Variants in TFAM observed in about 807,000 individuals in gnomAD.
The protein encoded by TFAM is transcription factor A, mitochondrial.
A neutral mutation model predicts 30.6 loss-of-function variants in TFAM; 13 were observed. That is an observed-to-expected ratio of 0.42 (90% CI 0.28 to 0.67). The LOEUF (loss-of-function observed/expected upper bound fraction) is 0.67. Among genes scored for constraint, TFAM ranks in the 30% least tolerant of loss-of-function variants. The probability of loss-of-function intolerance (pLI) is 0.21; values close to 1 mark genes in which losing one functional copy is unlikely to be tolerated. For missense variants in TFAM, 231 were observed against 293.7 expected, an observed-to-expected ratio of 0.79 and a Z score of 1.56; for synonymous variants, 106 against 94.8, an observed-to-expected ratio of 1.12 and a Z score of -0.69.
At chr10:58,392,285 CAT>C (rs1840611246) in intron 5 of TFAM, among the ~76,000 whole-genome samples, 1 of 152,154 alleles carries the variant, frequency 6.6e-6, no homozygotes. Context: ...GTTTGGAAAA[CAT>C]ATTTCTTCAA....
chr10:58,394,359 A>G lies in TFAM; in HGVS notation c.539A>G (p.Glu180Gly). 1 of 1,611,826 alleles carries G rather than the reference A, an allele frequency of 6.2e-7. No homozygotes were observed. The highest frequency in any genetic ancestry group is 8.5e-7 in the Non-Finnish European group (1 of 1,178,056). ...FQEAKGDSPQEKLKTVKENWK... is the reference protein window; with the variant it reads ...FQEAKGDSPQGKLKTVKENWK... ...ACTTAAACATATATTGTTTTACAGG[A>G]AAAGCTGAAGACTGTAAAGGAAAAC... The change falls in exon 6 of 7, where the codon GAA (glutamate) becomes GGA (glycine). Residue 180 changes from glutamate to glycine, a missense_variant and splice_region_variant. By Grantham distance (98) the Glu-to-Gly change is moderately conservative. Coordinates refer to ENST00000487519, the MANE Select transcript of TFAM (RefSeq NM_003201.3).
chr10:58,390,717 C>G, intron 4 of TFAM, 48 bp from the exon 5 acceptor site: 2 of 1,409,212 alleles, frequency 1.4e-6, no homozygotes, highest in Non-Finnish European at 2.0e-6. Flanking sequence ...AAAATTAAGT[C>G]TCATGGAGGT....
In TFAM at chr10:58,394,899, A is replaced by G. The variant is rs45564737; in HGVS notation, c.595-29A>G. On this transcript the variant is annotated intron_variant, in intron 6 of 6. Coordinates refer to ENST00000487519, the MANE Select transcript of TFAM (RefSeq NM_003201.3). ...TCATTTTATCTCAAAAAATAAGTAA[A>G]TCATTTTAACAGTTATGCTTTTTCT... The G allele has an allele frequency of 1.3e-3, 2,023 of 1,593,934 alleles. 26 individuals are homozygous for G. The African/African-American group carries it at 0.022, about 18-fold the overall frequency.
chr10:58,389,280 C>G (rs1419325854), intron 4 of TFAM, among the ~76,000 whole-genome samples: 1 of 151,970 alleles, frequency 6.6e-6, no homozygotes. Context: ...CAATTAAGTG[C>G]CTTTAGGATG....
chr10:58,385,740 TAGG>T, intron 1 of TFAM, 92 bp downstream of exon 1: 1 of 1,018,554 alleles, frequency 9.8e-7, no homozygotes, highest in African/African-American at 1.6e-5. Flanking sequence ...CTGCCCCTCC[TAGG>T]AGTTCAGAGT....
In TFAM at chr10:58,397,040, A is replaced by C. The variant is rs1368033654; in HGVS notation, c.*1966A>C. 2 of 152,146 alleles carry C rather than the reference A, an allele frequency of 1.3e-5. No individual in the cohort carries two copies. Among genetic ancestry groups the C allele is most frequent in the Non-Finnish European group, 2.9e-5 (2 of 68,062 alleles). 9.4% of individuals were successfully genotyped at this position (152,146 alleles called of 1,614,324 possible). ...GCTAGTGTCTATCACAGGCTTTCTC[A>C]ATTAGGTTTGCAGGAGAAAAAGCCC... is the stretch of plus-strand genomic sequence containing the variant. On this transcript the variant is annotated 3_prime_UTR_variant, in exon 7 of 7. Transcript: ENST00000487519.
intron 4 of TFAM, 111 bp downstream of exon 4, chr10:58,388,930 C>A: frequency 9.6e-7 from 1 of 1,040,024 alleles, no homozygotes; most frequent in Non-Finnish European, 1.4e-6. Context: ...AGAATGTCAT[C>A]AAGTATTCTT....
intron 4 of TFAM, among the ~76,000 whole-genome samples, chr10:58,389,487 A>G (rs1198563012): frequency 6.6e-6 from 1 of 152,210 alleles, no homozygotes; most frequent in East Asian, 1.9e-4. Flanking sequence ...TGATCATCAG[A>G]GTTAAAACTA....
At chr10:58,389,839 G>A (rs1840558669) in intron 4 of TFAM, among the ~76,000 whole-genome samples, 1 of 152,190 alleles carries the variant, frequency 6.6e-6, no homozygotes, top group South Asian at 2.1e-4. Context: ...AGTTTCCCTT[G>A]TCATTCTCTC....
At chr10:58,394,472 A>T (rs759088436) in intron 6 of TFAM, 58 bp downstream of exon 6, 1 of 1,406,390 alleles carries the variant, frequency 7.1e-7, no homozygotes, top group South Asian at 1.1e-5. Context: ...GAGAGAATGT[A>T]TTAGGGCAAG....
Position 58,385,428 on chromosome 10 carries a change from C to A in TFAM, c.-120C>A, listed in dbSNP as rs893390410. The A allele has an allele frequency of 3.8e-5, 28 of 733,878 alleles. No homozygotes were observed. The highest frequency in any genetic ancestry group is 3.3e-4 in the African/African-American group (19 of 58,292). The allele number at this position is 733,878 out of a possible 1,614,324, so 45.5% of individuals were successfully genotyped here. On this transcript the variant is annotated 5_prime_UTR_variant, in exon 1 of 7. Transcript: ENST00000487519. ...ATTTCCCATAGTGCCTCGCTAGTGG[C>A]GGGCATGATAACACACGCCGGAGGG...
At position 58,385,438 on chromosome 10, in the gene TFAM, A is replaced by G; in HGVS notation, c.-110A>G. ...GTGCCTCGCTAGTGGCGGGCATGAT[A>G]ACACACGCCGGAGGGTCGCACGCGG... On this transcript the variant is annotated 5_prime_UTR_variant, in exon 1 of 7. The change creates a new upstream start codon in the 5' untranslated region. Coordinates refer to ENST00000487519, the MANE Select transcript of TFAM (RefSeq NM_003201.3). 2 of 790,790 alleles carry G rather than the reference A, an allele frequency of 2.5e-6. No homozygotes were observed. The highest frequency in any genetic ancestry group is 2.7e-5 in the East Asian group (1 of 37,710). The allele number at this position is 790,790 out of a possible 1,614,324, so 49.0% of individuals were successfully genotyped here.
At position 58,385,507 on chromosome 10, in the gene TFAM, T is replaced by A. The variant is rs1564566684; in HGVS notation, c.-41T>A. 6.7e-7 allele frequency: 1 copy of A among 1,487,660 alleles called. No individual in the cohort carries two copies. The highest frequency in any genetic ancestry group is 9.2e-7 in the Non-Finnish European group (1 of 1,088,412). 92.2% of individuals were successfully genotyped at this position (1,487,660 alleles called of 1,614,324 possible). On this transcript the variant is annotated 5_prime_UTR_variant, in exon 1 of 7. Coordinates refer to ENST00000487519, the MANE Select transcript of TFAM (RefSeq NM_003201.3). Reference sequence around the variant, plus strand: ...GGAGTTGTGTATTGCCAGGAGGCTCTCCGAGATTGGGGTCGGGTCACTGCC... The same window carrying A: ...GGAGTTGTGTATTGCCAGGAGGCTCACCGAGATTGGGGTCGGGTCACTGCC...
chr10:58,388,131 G>A, intron 2 of TFAM, 59 bp from the exon 3 acceptor site: 1 of 1,356,972 alleles, frequency 7.4e-7, no homozygotes, highest in Non-Finnish European at 1.1e-6. Flanking sequence ...GATATCTTTA[G>A]AAATTAATCC....
Position 58,396,150 on chromosome 10 carries a change from C to A in TFAM, c.*1076C>A, listed in dbSNP as rs1175385621. 6.6e-6 allele frequency: 1 copy of A among 152,048 alleles called. No individual in the cohort carries two copies. Among genetic ancestry groups the A allele is most frequent in the East Asian group, 1.9e-4 (1 of 5,190 alleles). 9.4% of individuals were successfully genotyped at this position (152,048 alleles called of 1,614,324 possible). ...TTGTTGAAACACAACCAAGATCATT[C>A]TTTTACTTGTCTATGGCTGCTTTTC... On this transcript the variant is annotated 3_prime_UTR_variant, in exon 7 of 7. Coordinates refer to ENST00000487519, the MANE Select transcript of TFAM (RefSeq NM_003201.3).
rs896907316 is a variant in TFAM at position 58,385,772 on chromosome 10, C to T, written c.101+124C>T. Reference sequence around the variant, plus strand: ...TCAGAGTCACCCTGGTTCTTTGATTCAGACCGCGACCTTGCCAAGGGGACG... The same window carrying T: ...TCAGAGTCACCCTGGTTCTTTGATTTAGACCGCGACCTTGCCAAGGGGACG... On this transcript the variant is annotated intron_variant, in intron 1 of 6. Transcript: ENST00000487519. 7.6e-6 allele frequency: 6 copies of T among 786,784 alleles called. No individual in the cohort carries two copies. The African/African-American group carries it at 1.0e-4, about 13-fold the overall frequency. The allele number at this position is 786,784 out of a possible 1,614,324, so 48.7% of individuals were successfully genotyped here.
At position 58,385,587 on chromosome 10, in the gene TFAM, C is replaced by T. The variant is rs780633966; in HGVS notation, c.40C>T (p.Leu14=). 2 of 1,570,704 alleles carry T rather than the reference C, an allele frequency of 1.3e-6. No individual in the cohort carries two copies. The highest frequency in any genetic ancestry group is 1.2e-5 in the South Asian group (1 of 85,282). ...AAGCATGTGGGGCGTGCTGAGTGCC[C>T]TGGGAAGGTCTGGAGCAGAGCTGTG... The part of the protein sequence containing the change: ...LRSMWGVLSA[L]GRSGAELCTG... The change falls in exon 1 of 7, where the codon CTG becomes TTG. Residue 14 remains leucine (L), a synonymous_variant. Transcript: ENST00000487519.
chr10:58,395,723 A>G lies in TFAM; in HGVS notation c.*649A>G, dbSNP rs1346299160. 1 of 299,692 alleles carries G rather than the reference A, an allele frequency of 3.3e-6. No homozygotes were observed. The highest frequency in any genetic ancestry group is 5.2e-5 in the Admixed American group (1 of 19,252). 18.6% of individuals were successfully genotyped at this position (299,692 alleles called of 1,614,324 possible). ...ATTATTTTATGTTGCATAGAATAAA[A>G]TTTTTAATCTTTAATTTTACATTTC... On this transcript the variant is annotated 3_prime_UTR_variant, in exon 7 of 7. Transcript: ENST00000487519.
At position 58,385,643 on chromosome 10, in the gene TFAM, C is replaced by T. The variant is rs1840471542; in HGVS notation, c.96C>T (p.Pro32=). 18 of 1,555,498 alleles carry T rather than the reference C, an allele frequency of 1.2e-5. No homozygotes were observed. The highest frequency in any genetic ancestry group is 1.6e-5 in the Non-Finnish European group (18 of 1,149,278). ...CTGCGSRLRS[P]FSFVYLPRWF... ...GCTGTGGAAGTCGACTGCGCTCCCCCTTCAGGTAGGCCCGCTTGCCTGTGC... is the reference window on the plus strand; with the variant it reads ...GCTGTGGAAGTCGACTGCGCTCCCCTTTCAGGTAGGCCCGCTTGCCTGTGC... The change falls in exon 1 of 7, where the codon CCC becomes CCT. Residue 32 remains proline (P), a synonymous_variant. Transcript: ENST00000487519.
Sources: gnomAD v4.1 joint callset for allele counts (sites outside exome capture counted in the v4.1 genomes callset) on GRCh38, gnomAD v4.1.1 for gene constraint, MANE v1.5 for transcripts, NCBI Gene and HGNC (gene_info 2026-07-23, HGNC 2026-07-21) for gene names.